The following DLGAP2 variants were observed in gnomAD, a reference collection of about 807,000 sequenced individuals.
The protein encoded by DLGAP2 is disks large-associated protein 2.
A neutral mutation model predicts 100.3 loss-of-function variants in DLGAP2; 26 were observed. The ratio of observed to expected loss-of-function variants is 0.26; its 90% CI spans 0.19 to 0.36. DLGAP2 has a LOEUF of 0.36. Among genes scored for constraint, DLGAP2 ranks in the 10% least tolerant of loss-of-function variants. DLGAP2 has a pLI of 1.00. For missense variants in DLGAP2, 1,858 were observed against 1,453.2 expected, an observed-to-expected ratio of 1.28 and a Z score of -4.53; for synonymous variants, 886 against 630.1, an observed-to-expected ratio of 1.41 and a Z score of -6.08.
intron 3 of DLGAP2, among the ~76,000 whole-genome samples, chr8:1,480,810 G>A (rs986365722): frequency 4.6e-5 from 7 of 151,632 alleles, no homozygotes; most frequent in East Asian, 1.9e-4. Context: ...AGGTTGCAGT[G>A]AGCTGAGATC....
At chr8:1,528,998 GT>G (rs1484633925) in intron 4 of DLGAP2, among the ~76,000 whole-genome samples, 5 of 152,188 alleles carry the variant, frequency 3.3e-5, no homozygotes, top group African/African-American at 1.2e-4. Flanking sequence ...CCTTCCTCAT[GT>G]TTATAAAATT....
intron 2 of DLGAP2, among the ~76,000 whole-genome samples, chr8:983,536 G>T (rs1404693764): frequency 3.3e-5 from 5 of 152,148 alleles, no homozygotes; most frequent in South Asian, 2.1e-4. Flanking sequence ...CACCTTCATC[G>T]TACATACCCT....
At chr8:1,331,098 C>T (rs1490549219) in intron 3 of DLGAP2, among the ~76,000 whole-genome samples, 1 of 152,168 alleles carries the variant, frequency 6.6e-6, no homozygotes, top group Non-Finnish European at 1.5e-5. Context: ...GCTTAGCTGC[C>T]TGCTGGGTAC....
chr8:899,066 A>T (rs989196478), intron 1 of DLGAP2, among the ~76,000 whole-genome samples: 3 of 152,212 alleles, frequency 2.0e-5, no homozygotes, highest in African/African-American at 7.2e-5. Flanking sequence ...CATAGATAAC[A>T]ACCGTTGACT....
At chr8:1,622,018 T>G (rs990819675) in intron 6 of DLGAP2, 2 of 152,264 alleles carry the variant, frequency 1.3e-5, no homozygotes, top group African/African-American at 4.8e-5. Context: ...AAGAAGCCAT[T>G]TTCTGAAATC....
chr8:1,622,394 T>C (rs1797367821), intron 6 of DLGAP2: 1 of 152,362 alleles, frequency 6.6e-6, no homozygotes, highest in Non-Finnish European at 1.5e-5. Context: ...CGTTGTGTAT[T>C]TTCAAGCATG....
At chr8:1,451,716 G>T (rs565857821) in intron 3 of DLGAP2, among the ~76,000 whole-genome samples, 3 of 152,044 alleles carry the variant, frequency 2.0e-5, no homozygotes, top group African/African-American at 7.2e-5. Flanking sequence ...TGCTGCCTCC[G>T]CCTCAGCAAC....
chr8:840,768 C>T (rs981174900), intron 1 of DLGAP2, among the ~76,000 whole-genome samples: 3 of 149,546 alleles, frequency 2.0e-5, no homozygotes, highest in East Asian at 2.0e-4. Context: ...CTGGATTCTG[C>T]GAGCGCGTCT....
intron 1 of DLGAP2, among the ~76,000 whole-genome samples, chr8:780,228 G>A (rs965868285): frequency 4.6e-5 from 7 of 152,008 alleles, no homozygotes; most frequent in African/African-American, 1.5e-4. Flanking sequence ...CCACATATCC[G>A]TGAGATCATG....
intron 3 of DLGAP2, among the ~76,000 whole-genome samples, chr8:1,346,567 G>A: frequency 6.6e-6 from 1 of 151,392 alleles, no homozygotes; most frequent in Non-Finnish European, 1.5e-5. Flanking sequence ...CTGTGTGGGT[G>A]TTGAGTTCCC....
Position 1,102,824 on chromosome 8 carries a change from A to G in DLGAP2, c.74-156027A>G, listed in dbSNP as rs115925865. Among the ~76,000 whole-genome samples, 1,056 of 151,996 alleles carry G rather than the reference A, an allele frequency of 6.9e-3. 13 individuals are homozygous for G. The highest frequency in any genetic ancestry group is 0.024 in the African/African-American group (991 of 41,460). ...GCCCTGGGGGAGGTGACGGGGCAGA[A>G]AATGTGCGTGGGGCCTTGTGAGTCT... On this transcript the variant is annotated intron_variant, in intron 2 of 14. Coordinates refer to ENST00000637795, the MANE Select transcript of DLGAP2 (RefSeq NM_001346810.2).
At position 1,093,450 on chromosome 8, in the gene DLGAP2, C is replaced by T. The variant is rs1804254443; in HGVS notation, c.74-165401C>T. Among the ~76,000 whole-genome samples the T allele has an allele frequency of 2.0e-5, 3 of 151,182 alleles. No individual in the cohort carries two copies. The South Asian group carries it at 6.3e-4, about 32-fold the overall frequency. The stretch of plus-strand genomic sequence containing the variant: ...TCACACCGACAGTCAGACAGAAACA[C>T]TTTCACACCAACAGCCAGACAGAAA... On this transcript the variant is annotated intron_variant, in intron 2 of 14. Coordinates refer to ENST00000637795, the MANE Select transcript of DLGAP2 (RefSeq NM_001346810.2).
chr8:1,353,147 C>T (rs1210589319), intron 3 of DLGAP2, among the ~76,000 whole-genome samples: 3 of 152,142 alleles, frequency 2.0e-5, no homozygotes, highest in African/African-American at 7.2e-5. Context: ...CCATTTGCTT[C>T]CCACACCCAC....
chr8:1,104,447 C>T (rs958966125), intron 2 of DLGAP2, among the ~76,000 whole-genome samples: 1 of 152,212 alleles, frequency 6.6e-6, no homozygotes, highest in Non-Finnish European at 1.5e-5. Flanking sequence ...GACAAGAAGT[C>T]ACGGCACGTG....
At chr8:766,965 G>C (rs1821230903) in intron 1 of DLGAP2, among the ~76,000 whole-genome samples, 1 of 152,208 alleles carries the variant, frequency 6.6e-6, no homozygotes, top group Admixed American at 6.5e-5. Context: ...CAGGAGCACA[G>C]CTTCCTCCTC....
chr8:838,160 C>G (rs1346138521), intron 1 of DLGAP2, among the ~76,000 whole-genome samples: 1 of 152,018 alleles, frequency 6.6e-6, no homozygotes, highest in Non-Finnish European at 1.5e-5. Flanking sequence ...ACATACTTTA[C>G]AATAATTTAA....
chr8:1,289,614 G>C (rs1203424018), intron 3 of DLGAP2, among the ~76,000 whole-genome samples: 1 of 152,172 alleles, frequency 6.6e-6, no homozygotes, highest in Non-Finnish European at 1.5e-5. Context: ...GTCCCTGGGG[G>C]CTGGCCTGGC....
intron 6 of DLGAP2, among the ~76,000 whole-genome samples, chr8:1,626,002 C>T (rs771252732): frequency 0.077 from 8,722 of 113,178 alleles, 329 homozygotes; most frequent in Middle Eastern, 0.16. Flanking sequence ...GGTTGGACGG[C>T]TGTTCCCATC....
intron 3 of DLGAP2, among the ~76,000 whole-genome samples, chr8:1,430,137 G>A (rs573591391): frequency 6.7e-6 from 1 of 149,392 alleles, no homozygotes; most frequent in Non-Finnish European, 1.5e-5. Context: ...ATAATTTTAT[G>A]GCTCCTTAGG....
Sources: gnomAD v4.1 joint callset for allele counts (sites outside exome capture counted in the v4.1 genomes callset) on GRCh38, gnomAD v4.1.1 for gene constraint, MANE v1.5 for transcripts, NCBI Gene and HGNC (gene_info 2026-07-23, HGNC 2026-07-21) for gene names.